The following NCKAP5 variants were observed in gnomAD, a reference collection of about 807,000 sequenced individuals.
NCKAP5 encodes nck-associated protein 5.
In NCKAP5, 92 loss-of-function variants were observed where a neutral mutation model predicts 167.0. That is an observed-to-expected ratio of 0.55 (90% CI 0.47 to 0.66). The LOEUF (loss-of-function observed/expected upper bound fraction) is 0.66. NCKAP5 is among the 30% of genes least tolerant of loss of function. NCKAP5 has a pLI of 0.00. For missense variants in NCKAP5, 2,378 were observed against 2,315.0 expected (o/e 1.03, Z -0.56); for synonymous variants, 891 against 877.4 (o/e 1.02, Z -0.27).
chr2:133,470,464 G>A (rs1575014965), intron 3 of NCKAP5, among the ~76,000 whole-genome samples: 1 of 152,182 alleles, frequency 6.6e-6, no homozygotes, highest in South Asian at 2.1e-4. Flanking sequence ...CTGTCTTTTT[G>A]TTTGTCTGTG....
At chr2:133,357,271 G>T (rs190931246) in intron 3 of NCKAP5, among the ~76,000 whole-genome samples, 3 of 135,538 alleles carry the variant, frequency 2.2e-5, no homozygotes, top group Non-Finnish European at 3.1e-5. Context: ...CTATTAGTTG[G>T]GTCACACACA....
chr2:133,602,021 ATG>A, the NCKAP5 span, among the ~76,000 whole-genome samples: 1 of 152,226 alleles, frequency 6.6e-6, no homozygotes, highest in African/African-American at 2.4e-5. Context: ...TAAAATATTA[ATG>A]TGTCTGCTCC....
intron 15 of NCKAP5, among the ~76,000 whole-genome samples, chr2:132,777,757 C>T (rs1682674117): frequency 6.6e-6 from 1 of 152,100 alleles, no homozygotes; most frequent in African/African-American, 2.4e-5. Context: ...AAGATGATAA[C>T]AATTTGTGTA....
At chr2:132,856,665 G>T (rs1689494963) in intron 11 of NCKAP5, among the ~76,000 whole-genome samples, 1 of 152,140 alleles carries the variant, frequency 6.6e-6, no homozygotes, top group Non-Finnish European at 1.5e-5. Flanking sequence ...ACAAGTAAAA[G>T]ACAGAACACA....
intron 5 of NCKAP5, among the ~76,000 whole-genome samples, chr2:133,169,325 A>T (rs1218223552): frequency 6.6e-6 from 1 of 152,120 alleles, no homozygotes; most frequent in Non-Finnish European, 1.5e-5. Context: ...TCTCCCTTCC[A>T]CTAATCAAGA....
At chr2:132,804,100 A>C (rs1685245188) in intron 11 of NCKAP5, among the ~76,000 whole-genome samples, 1 of 152,132 alleles carries the variant, frequency 6.6e-6, no homozygotes, top group Non-Finnish European at 1.5e-5. Flanking sequence ...AAAATTCGGA[A>C]ATATTTCAGA....
At position 132,806,215 on chromosome 2, in the gene NCKAP5, C is replaced by T. The variant is rs141896902; in HGVS notation, c.808-9486G>A. On this transcript the variant is annotated intron_variant, in intron 11 of 19. Coordinates refer to ENST00000409261, the MANE Select transcript of NCKAP5 (RefSeq NM_207363.3). ...GGTTGGTTACACAATTTTGCAATTG[C>T]GAACTGTGCTGCTATAAATGTGTGT... Among the ~76,000 whole-genome samples the T allele has an allele frequency of 4.9e-4, 75 of 152,196 alleles. 1 individual carries two copies. The highest frequency in any genetic ancestry group is 1.4e-3 in the African/African-American group (59 of 41,532).
the NCKAP5 span, among the ~76,000 whole-genome samples, chr2:133,600,760 C>T: frequency 6.6e-6 from 1 of 152,172 alleles, no homozygotes; most frequent in Non-Finnish European, 1.5e-5. Context: ...CCCTGATGTG[C>T]GAAGCTCCAT....
chr2:133,441,822 C>A (rs909648347), intron 3 of NCKAP5, among the ~76,000 whole-genome samples: 1 of 152,070 alleles, frequency 6.6e-6, no homozygotes, highest in South Asian at 2.1e-4. Context: ...ATTTCCTAAG[C>A]GAACTCTCAG....
intron 3 of NCKAP5, among the ~76,000 whole-genome samples, chr2:133,336,381 T>C (rs1347897712): frequency 1.3e-5 from 2 of 152,160 alleles, no homozygotes; most frequent in African/African-American, 4.8e-5. Flanking sequence ...GGCCATGCTT[T>C]TCCTTTCCTT....
the NCKAP5 span, among the ~76,000 whole-genome samples, chr2:133,649,644 A>G: frequency 2.0e-5 from 3 of 152,154 alleles, no homozygotes; most frequent in Admixed American, 1.3e-4. Flanking sequence ...AAATCATATA[A>G]TTATTTCAAT....
At chr2:132,714,798 G>A (rs1689201529) in intron 19 of NCKAP5, 2 of 434,744 alleles carry the variant, frequency 4.6e-6, no homozygotes, top group East Asian at 7.2e-5. Flanking sequence ...GGGTGACAGA[G>A]TGAGAATCCA....
chr2:133,104,142 T>TAA (rs570649100), intron 6 of NCKAP5, among the ~76,000 whole-genome samples: 1 of 143,776 alleles, frequency 7.0e-6, no homozygotes, highest in Admixed American at 6.9e-5. Flanking sequence ...ACTATAGATC[T>TAA]AAAAAAAAAA....
intron 3 of NCKAP5, among the ~76,000 whole-genome samples, chr2:133,441,414 C>A (rs1690853357): frequency 6.6e-6 from 1 of 152,136 alleles, no homozygotes; most frequent in African/African-American, 2.4e-5. Context: ...CAAAGAAAAG[C>A]CTAATTCTAA....
At chr2:133,358,358 C>T (rs1482746887) in intron 3 of NCKAP5, among the ~76,000 whole-genome samples, 2 of 152,122 alleles carry the variant, frequency 1.3e-5, no homozygotes, top group African/African-American at 2.4e-5. Flanking sequence ...GCAAGACAAT[C>T]GCTTGAGGGC....
At chr2:133,523,499 G>T (rs192720098) in intron 2 of NCKAP5, among the ~76,000 whole-genome samples, 4 of 152,284 alleles carry the variant, frequency 2.6e-5, no homozygotes. Flanking sequence ...GGCATTAGAA[G>T]ATTTGGTTCC....
At position 133,302,904 on chromosome 2, in the gene NCKAP5, T is replaced by A. The variant is rs1680499140; in HGVS notation, c.143+133A>T. On this transcript the variant is annotated intron_variant, in intron 4 of 19. Transcript: ENST00000409261. ...ATTTTGCCATTCCAAGATGATAGTTTCTTAGAATCTAACAGTTTTTAGCCA... is the reference window on the plus strand; with the variant it reads ...ATTTTGCCATTCCAAGATGATAGTTACTTAGAATCTAACAGTTTTTAGCCA... 7.6e-6 allele frequency: 4 copies of A among 523,320 alleles called. No homozygotes were observed. The Admixed American group carries it at 1.3e-4, about 17-fold the overall frequency. The allele number at this position is 523,320 out of a possible 1,614,324, so 32.4% of individuals were successfully genotyped here.
chr2:133,399,091 T>C (rs1449367497), intron 3 of NCKAP5, among the ~76,000 whole-genome samples: 1 of 152,216 alleles, frequency 6.6e-6, no homozygotes. Flanking sequence ...GCTCGGCAGA[T>C]GCATTTCCTT....
At chr2:133,235,209 A>C (rs192096211) in intron 4 of NCKAP5, among the ~76,000 whole-genome samples, 9 of 152,202 alleles carry the variant, frequency 5.9e-5, no homozygotes, top group Admixed American at 2.0e-4. Context: ...CCCCAAGATC[A>C]ATACTCATGA....
Sources: allele counts gnomAD v4.1 joint callset (sites outside exome capture counted in the v4.1 genomes callset), GRCh38; gene constraint gnomAD v4.1.1; transcripts MANE v1.5; gene names NCBI Gene and HGNC (gene_info 2026-07-23, HGNC 2026-07-21).